Variants in NXPE2 observed in about 807,000 individuals in gnomAD.
NXPE2 encodes NXPE family member 2.
Under a neutral mutation model 34.4 loss-of-function variants are expected in NXPE2, and 34 were observed. The observed-to-expected ratio is 0.99, with a 90% CI of 0.75 to 1.31. The LOEUF (loss-of-function observed/expected upper bound fraction) is 1.31. NXPE2 is among the 40% of genes most tolerant of loss of function. The pLI, the probability that NXPE2 is intolerant of heterozygous loss-of-function variation, is 0.00. For missense variants in NXPE2, 649 were observed against 672.5 expected (o/e 0.97, Z 0.39); for synonymous variants, 235 against 231.3 (o/e 1.02, Z -0.15).
At chr11:114,652,142 T>C in the NXPE2 span, among the ~76,000 whole-genome samples, 1 of 152,144 alleles carries the variant, frequency 6.6e-6, no homozygotes, top group Non-Finnish European at 1.5e-5. Flanking sequence ...CAATGCACTC[T>C]AGTAAGATTC....
chr11:114,606,081 A>C, the NXPE2 span, among the ~76,000 whole-genome samples: 1 of 151,548 alleles, frequency 6.6e-6, no homozygotes, highest in African/African-American at 2.4e-5. Context: ...ACTGAATAAT[A>C]AGTATTACCT....
At chr11:114,718,758 G>GT in the NXPE2 span, among the ~76,000 whole-genome samples, 1 of 152,172 alleles carries the variant, frequency 6.6e-6, no homozygotes, top group Non-Finnish European at 1.5e-5. Context: ...CTTGATGTGT[G>GT]TATGTTTGAG....
At chr11:114,679,477 G>A (rs1591424218) in intron 1 of NXPE2, among the ~76,000 whole-genome samples, 180 bp from the exon 2 acceptor site, 1 of 151,936 alleles carries the variant, frequency 6.6e-6, no homozygotes, top group African/African-American at 2.4e-5. Context: ...TAGGAGTTTT[G>A]TTCCCTGCCT....
At chr11:114,651,943 A>G in the NXPE2 span, among the ~76,000 whole-genome samples, 1 of 152,174 alleles carries the variant, frequency 6.6e-6, no homozygotes, top group Non-Finnish European at 1.5e-5. Context: ...AAACCAAATT[A>G]TTAGGGTGCT....
the NXPE2 span, chr11:114,581,745 A>T: frequency 1.2e-6 from 2 of 1,612,058 alleles, no homozygotes; most frequent in Non-Finnish European, 1.7e-6. Flanking sequence ...GGAGACACTA[A>T]TTGTATTGAA....
chr11:114,559,206 C>G, the NXPE2 span, among the ~76,000 whole-genome samples: 1 of 152,164 alleles, frequency 6.6e-6, no homozygotes, highest in Non-Finnish European at 1.5e-5. Context: ...GTTTATGACT[C>G]ATCCTACTGC....
chr11:114,488,742 C>T, the NXPE2 span, among the ~76,000 whole-genome samples: 1 of 152,020 alleles, frequency 6.6e-6, no homozygotes, highest in Non-Finnish European at 1.5e-5. Context: ...ACTAAATGCC[C>T]ACAAGAGAAA....
chr11:114,696,677 T>C (rs1517690), intron 2 of NXPE2, among the ~76,000 whole-genome samples: 25,612 of 151,976 alleles, frequency 0.17, 2,502 homozygotes, highest in South Asian at 0.21. Flanking sequence ...AAAGGAAAAA[T>C]TCAGAATCAT....
chr11:114,576,992 C>CAT, the NXPE2 span, among the ~76,000 whole-genome samples: 7 of 88,978 alleles, frequency 7.9e-5, no homozygotes, highest in Non-Finnish European at 6.2e-5. Context: ...TATATATATA[C>CAT]ATATATATAT....
chr11:114,506,771 C>T, the NXPE2 span, among the ~76,000 whole-genome samples: 1 of 151,940 alleles, frequency 6.6e-6, no homozygotes, highest in Non-Finnish European at 1.5e-5. Flanking sequence ...ACACCCATAT[C>T]AAAAAGTTAG....
chr11:114,716,593 G>A, the NXPE2 span, among the ~76,000 whole-genome samples: 8 of 152,174 alleles, frequency 5.3e-5, no homozygotes, highest in Non-Finnish European at 8.8e-5. Context: ...CAGTGTATAT[G>A]GAGAGGGCAA....
At chr11:114,567,180 AATAACCT>A in the NXPE2 span, among the ~76,000 whole-genome samples, 3 of 152,212 alleles carry the variant, frequency 2.0e-5, no homozygotes, top group Non-Finnish European at 4.4e-5. Flanking sequence ...CTGGCCTGGC[AATAACCT>A]TTCCTAGCCT....
chr11:114,567,455 C>T, the NXPE2 span, among the ~76,000 whole-genome samples: 5 of 152,066 alleles, frequency 3.3e-5, no homozygotes, highest in Non-Finnish European at 5.9e-5. Flanking sequence ...ATGAACTATA[C>T]ATTTCCCAAT....
chr11:114,793,853 CA>C, the NXPE2 span, among the ~76,000 whole-genome samples: 1 of 152,186 alleles, frequency 6.6e-6, no homozygotes, highest in Non-Finnish European at 1.5e-5. Flanking sequence ...CTCACCTTCA[CA>C]GACCCAATAT....
the NXPE2 span, among the ~76,000 whole-genome samples, chr11:114,756,812 A>G: frequency 7.2e-5 from 11 of 152,274 alleles, no homozygotes; most frequent in Non-Finnish European, 1.5e-4. Context: ...CTTTTTAAAC[A>G]TATGCAGCCA....
At chr11:114,716,501 T>G in the NXPE2 span, among the ~76,000 whole-genome samples, 1 of 152,166 alleles carries the variant, frequency 6.6e-6, no homozygotes, top group Non-Finnish European at 1.5e-5. Flanking sequence ...ATTATCTGGA[T>G]CTCAGAGATA....
chr11:114,469,513 G>A, the NXPE2 span, among the ~76,000 whole-genome samples: 31 of 151,266 alleles, frequency 2.0e-4, no homozygotes, highest in South Asian at 1.5e-3. Context: ...TTTTTGAGAC[G>A]GAGTCTCGCA....
the NXPE2 span, among the ~76,000 whole-genome samples, chr11:114,728,244 G>T: frequency 2.0e-5 from 3 of 152,006 alleles, no homozygotes; most frequent in Non-Finnish European, 4.4e-5. Context: ...TCATTTCAAG[G>T]TTCTTAGTTA....
At chr11:114,758,913 G>T in the NXPE2 span, among the ~76,000 whole-genome samples, 1 of 149,294 alleles carries the variant, frequency 6.7e-6, no homozygotes, top group African/African-American at 2.5e-5. Flanking sequence ...TTTACTATAT[G>T]TGTACATATA....
Sources: allele counts gnomAD v4.1 joint callset (sites outside exome capture counted in the v4.1 genomes callset), GRCh38; gene constraint gnomAD v4.1.1; transcripts MANE v1.5; gene names NCBI Gene and HGNC (gene_info 2026-07-23, HGNC 2026-07-21).